The following DAB1 variants were observed in gnomAD, a reference collection of about 807,000 sequenced individuals.
DAB1 encodes disabled homolog 1.
In DAB1, 15 loss-of-function variants were observed where a neutral mutation model predicts 64.6. That is an observed-to-expected ratio of 0.23 (90% CI 0.16 to 0.36). The LOEUF (loss-of-function observed/expected upper bound fraction) is 0.36, where lower values mean the gene tolerates loss of function less well. DAB1 is among the 10% of genes least tolerant of loss of function. The pLI, the probability that DAB1 is intolerant of heterozygous loss-of-function variation, is 1.00. For missense variants in DAB1, 596 were observed against 706.7 expected (o/e 0.84, Z 1.78); for synonymous variants, 235 against 251.9 (o/e 0.93, Z 0.64).
intron 4 of DAB1, among the ~76,000 whole-genome samples, chr1:58,155,287 G>C (rs1270424980): frequency 6.6e-6 from 1 of 152,232 alleles, no homozygotes; most frequent in Non-Finnish European, 1.5e-5. Flanking sequence ...GGGTGATTTT[G>C]CCCTCCAGGG....
chr1:57,737,763 G>A (rs1263133939), intron 6 of DAB1, among the ~76,000 whole-genome samples: 2 of 152,184 alleles, frequency 1.3e-5, no homozygotes, highest in African/African-American at 4.8e-5. Flanking sequence ...AATGGGGGAA[G>A]AGTAGCAGGG....
chr1:58,342,980 T>G (rs1430020903), intron 4 of DAB1, among the ~76,000 whole-genome samples: 1 of 152,200 alleles, frequency 6.6e-6, no homozygotes, highest in Non-Finnish European at 1.5e-5. Context: ...AGCCTGTTCA[T>G]GCCTCCTTTG....
chr1:57,993,249 A>AATT (rs1646374807), intron 5 of DAB1, among the ~76,000 whole-genome samples: 1 of 152,040 alleles, frequency 6.6e-6, no homozygotes, highest in Non-Finnish European at 1.5e-5. Flanking sequence ...ATCTCTGACC[A>AATT]CTCTCTCAGA....
intron 1 of DAB1, among the ~76,000 whole-genome samples, chr1:57,407,888 G>T (rs1479954775): frequency 6.6e-6 from 1 of 151,894 alleles, no homozygotes; most frequent in Non-Finnish European, 1.5e-5. Flanking sequence ...TCACCCGCTG[G>T]CTTCCTTCAT....
intron 4 of DAB1, among the ~76,000 whole-genome samples, chr1:58,315,217 T>C (rs1317929181): frequency 6.6e-6 from 1 of 152,196 alleles, no homozygotes; most frequent in Non-Finnish European, 1.5e-5. Context: ...TGCTTTTGAA[T>C]TCACAGAGAT....
chr1:57,994,716 A>C (rs1408989561), intron 5 of DAB1, among the ~76,000 whole-genome samples: 3 of 152,160 alleles, frequency 2.0e-5, no homozygotes, highest in Admixed American at 6.5e-5. Context: ...GGCGGACAGG[A>C]TGTGGGTAGC....
intron 4 of DAB1, among the ~76,000 whole-genome samples, chr1:58,227,400 G>A (rs1659548604): frequency 6.6e-6 from 1 of 152,158 alleles, no homozygotes; most frequent in South Asian, 2.1e-4. Context: ...CCAGGCAGAG[G>A]AATAGCATAT....
chr1:58,020,829 C>T (rs958335726), intron 5 of DAB1, among the ~76,000 whole-genome samples: 7 of 152,018 alleles, frequency 4.6e-5, no homozygotes, highest in Non-Finnish European at 8.8e-5. Context: ...GTAGTGAAAC[C>T]CCATCTCTAC....
chr1:57,195,045 A>G (rs567228258), intron 2 of DAB1, among the ~76,000 whole-genome samples: 1 of 152,346 alleles, frequency 6.6e-6, no homozygotes, highest in South Asian at 2.1e-4. Context: ...TGAATGGAAA[A>G]TGAGTTTCCA....
intron 1 of DAB1, among the ~76,000 whole-genome samples, chr1:57,363,403 G>A (rs896888094): frequency 5.3e-5 from 8 of 152,168 alleles, no homozygotes; most frequent in Non-Finnish European, 1.0e-4. Flanking sequence ...CCCAACTGCA[G>A]AGCACGGAGG....
intron 5 of DAB1, among the ~76,000 whole-genome samples, chr1:57,911,617 A>G (rs1294731192): frequency 2.0e-5 from 3 of 152,112 alleles, no homozygotes; most frequent in Non-Finnish European, 4.4e-5. Flanking sequence ...TCCACTCAGC[A>G]TTCTCATCAC....
intron 5 of DAB1, among the ~76,000 whole-genome samples, chr1:58,127,095 T>C (rs958143577): frequency 2.0e-5 from 3 of 150,766 alleles, no homozygotes; most frequent in Non-Finnish European, 4.4e-5. Context: ...CGTGTTCCTA[T>C]TTTTCCACAT....
At chr1:58,070,624 G>A (rs1649176892) in intron 5 of DAB1, among the ~76,000 whole-genome samples, 1 of 152,184 alleles carries the variant, frequency 6.6e-6, no homozygotes, top group Admixed American at 6.5e-5. Context: ...AAGACTGGAG[G>A]CAAAGGAGGA....
intron 7 of DAB1, among the ~76,000 whole-genome samples, chr1:57,504,569 G>A (rs1173058859): frequency 6.6e-6 from 1 of 152,156 alleles, no homozygotes; most frequent in East Asian, 1.9e-4. Flanking sequence ...AAATGAATGA[G>A]GGAGAATATA....
chr1:57,865,432 C>T (rs750960867), intron 1 of DAB1, among the ~76,000 whole-genome samples: 8 of 152,072 alleles, frequency 5.3e-5, no homozygotes, highest in Non-Finnish European at 1.0e-4. Flanking sequence ...TAACACAGCC[C>T]ACTGGGCCCT....
At chr1:57,320,229 A>G (rs2100761889) in intron 1 of DAB1, among the ~76,000 whole-genome samples, 2 of 152,264 alleles carry the variant, frequency 1.3e-5, no homozygotes, top group Middle Eastern at 6.8e-3. Flanking sequence ...GCCTTATGCC[A>G]TGATTCTAAG....
intron 7 of DAB1, among the ~76,000 whole-genome samples, chr1:57,448,494 CT>C (rs1686232022): frequency 6.6e-6 from 1 of 152,150 alleles, no homozygotes; most frequent in African/African-American, 2.4e-5. Context: ...ATAATTCCCT[CT>C]GTAACTAACA....
At chr1:57,705,874 G>GTTTTTTTT (rs11375591) in intron 6 of DAB1, among the ~76,000 whole-genome samples, 4 of 144,768 alleles carry the variant, frequency 2.8e-5, no homozygotes, top group African/African-American at 5.1e-5. Context: ...CAATACTAGG[G>GTTTTTTTT]TTTTTTTTTT....
chr1:57,352,580 A>G lies in DAB1; in HGVS notation c.-136-61414T>C, dbSNP rs184849793. On this transcript the variant is annotated intron_variant, in intron 1 of 14. Coordinates refer to ENST00000371236, the MANE Select transcript of DAB1 (RefSeq NM_001365792.1). ...TGGCATAAGTACTATTATCACCTCC[A>G]TTTTACAGACCAAGAAACCAAGGCA... Among the ~76,000 whole-genome samples, 274 of 152,198 alleles carry G rather than the reference A, an allele frequency of 1.8e-3. 6 individuals are homozygous for G. The highest frequency in any genetic ancestry group is 4.3e-4 in the Non-Finnish European group (29 of 67,976).
Sources: allele counts gnomAD v4.1 joint callset (sites outside exome capture counted in the v4.1 genomes callset), GRCh38; gene constraint gnomAD v4.1.1; transcripts MANE v1.5; gene names NCBI Gene and HGNC (gene_info 2026-07-23, HGNC 2026-07-21).